RAB30: variants seen among roughly 807,000 people sequenced by gnomAD.
The protein encoded by RAB30 is RAB30, member RAS oncogene family, also known as ras-related protein Rab-30.
RAB30 carries 9 observed loss-of-function variants against 25.1 expected under a neutral mutation model. The observed-to-expected ratio is 0.36, with a 90% confidence interval of 0.22 to 0.63. The LOEUF is 0.63. Ranked by LOEUF, RAB30 falls within the 20% of genes least tolerant of loss-of-function variation. The pLI, the probability that RAB30 is intolerant of heterozygous loss-of-function variation, is 0.69. For synonymous variants in RAB30, 77 were observed against 86.4 expected (o/e 0.89, Z 0.60); for missense variants, 140 against 243.5 (o/e 0.58, Z 2.83).
intron 1 of RAB30, among the ~76,000 whole-genome samples, chr11:83,001,277 G>C (rs1360619260): frequency 1.3e-5 from 2 of 152,156 alleles, no homozygotes; most frequent in Non-Finnish European, 2.9e-5. Flanking sequence ...CATGGATCAA[G>C]TGATCCTCCT....
At chr11:83,067,240 G>A (rs1466965063) in intron 1 of RAB30, among the ~76,000 whole-genome samples, 2 of 152,076 alleles carry the variant, frequency 1.3e-5, no homozygotes, top group Non-Finnish European at 2.9e-5. Context: ...TCCTAGCATG[G>A]TGCATGGAAA....
intron 1 of RAB30, among the ~76,000 whole-genome samples, chr11:83,023,865 A>C (rs1590859969): frequency 6.6e-6 from 1 of 151,482 alleles, no homozygotes. Flanking sequence ...CTCAGGCATC[A>C]CTCTCCTTCT....
At chr11:83,056,970 C>T (rs1455041561) in intron 1 of RAB30, among the ~76,000 whole-genome samples, 2 of 152,138 alleles carry the variant, frequency 1.3e-5, no homozygotes, top group Non-Finnish European at 2.9e-5. Context: ...TAAGACCAAA[C>T]AATCTGTGGC....
At chr11:83,038,059 A>T (rs1858024931) in intron 1 of RAB30, among the ~76,000 whole-genome samples, 1 of 152,208 alleles carries the variant, frequency 6.6e-6, no homozygotes, top group Non-Finnish European at 1.5e-5. Context: ...AAAGAAAAAA[A>T]CAGATGACTC....
chr11:83,013,492 A>G (rs922211631), intron 1 of RAB30, among the ~76,000 whole-genome samples: 5 of 152,202 alleles, frequency 3.3e-5, no homozygotes, highest in African/African-American at 1.2e-4. Context: ...CTGACATTTC[A>G]GTAGACTAAA....
chr11:83,044,539 A>G (rs1858196517), intron 1 of RAB30, among the ~76,000 whole-genome samples: 2 of 152,288 alleles, frequency 1.3e-5, no homozygotes, highest in South Asian at 2.1e-4. Flanking sequence ...AAATATCACT[A>G]CAAGTCTGTT....
At chr11:82,992,356 T>C (rs1444714587) in intron 3 of RAB30, 1 of 456,266 alleles carries the variant, frequency 2.2e-6, no homozygotes, top group Non-Finnish European at 4.4e-6. Flanking sequence ...CATTCACTGC[T>C]GTATTTGGTG....
At chr11:82,998,725 G>A (rs376788300) in intron 1 of RAB30, among the ~76,000 whole-genome samples, 2 of 150,270 alleles carry the variant, frequency 1.3e-5, no homozygotes, top group Non-Finnish European at 1.5e-5. Flanking sequence ...AAAAAAAAAA[G>A]CTAAATAACA....
intron 1 of RAB30, among the ~76,000 whole-genome samples, chr11:83,057,764 T>C (rs887050083): frequency 6.6e-6 from 1 of 152,228 alleles, no homozygotes; most frequent in Non-Finnish European, 1.5e-5. Context: ...TGTGTACTTT[T>C]AGAAACTTTG....
chr11:82,988,613 A>C (rs1856786722), intron 3 of RAB30, among the ~76,000 whole-genome samples: 2 of 152,336 alleles, frequency 1.3e-5, no homozygotes, highest in Admixed American at 6.5e-5. Flanking sequence ...ACCAGTTCTA[A>C]GTCCTAATAA....
At chr11:83,059,576 T>C (rs1162865067) in intron 1 of RAB30, among the ~76,000 whole-genome samples, 2 of 152,216 alleles carry the variant, frequency 1.3e-5, no homozygotes, top group Non-Finnish European at 2.9e-5. Context: ...GGATGCAGTG[T>C]GGAGTAGCAG....
intron 1 of RAB30, among the ~76,000 whole-genome samples, chr11:83,054,685 AC>A (rs1858421402): frequency 6.7e-6 from 1 of 149,912 alleles, no homozygotes. Context: ...ATAGAATGAG[AC>A]CCTGTGTCTA....
Position 83,064,736 on chromosome 11 carries a change from C to T in RAB30, c.-9+6955G>A, listed in dbSNP as rs185348631. On this transcript the variant is annotated intron_variant, in intron 1 of 4. Coordinates refer to ENST00000527633, the MANE Select transcript of RAB30 (RefSeq NM_001286060.2). ...TGACATTCCTGAAGACATTCAGGAA[C>T]GCCAGCTGATCATATACCAATATCT... 3.4e-4 allele frequency among the ~76,000 whole-genome samples: 52 copies of T among 152,248 alleles called. No homozygotes were observed. The East Asian group carries it at 5.2e-3, about 15-fold the overall frequency.
intron 1 of RAB30, among the ~76,000 whole-genome samples, chr11:83,003,047 G>A (rs1440403428): frequency 2.0e-5 from 3 of 152,158 alleles, no homozygotes; most frequent in African/African-American, 7.2e-5. Flanking sequence ...GGGTAAACAG[G>A]CAACAAGGCC....
At chr11:82,989,314 AT>A (rs1856802318) in intron 3 of RAB30, among the ~76,000 whole-genome samples, 1 of 152,194 alleles carries the variant, frequency 6.6e-6, no homozygotes, top group South Asian at 2.1e-4. Context: ...GGATGAATCC[AT>A]TGCTGTCACC....
chr11:83,035,014 C>A (rs1857957519), intron 1 of RAB30, among the ~76,000 whole-genome samples: 1 of 151,792 alleles, frequency 6.6e-6, no homozygotes, highest in African/African-American at 2.4e-5. Context: ...TGACCACTGG[C>A]TATGTGCCAG....
intron 1 of RAB30, chr11:83,039,240 T>C (rs184042430): frequency 2.0e-5 from 3 of 152,326 alleles, no homozygotes; most frequent in Admixed American, 1.3e-4. Flanking sequence ...TTTCTTGAGT[T>C]CCTGCTAGGC....
At chr11:83,022,618 A>G (rs1857607062) in intron 1 of RAB30, among the ~76,000 whole-genome samples, 1 of 152,186 alleles carries the variant, frequency 6.6e-6, no homozygotes. Context: ...TTAAATAAGT[A>G]TCCTTTATTT....
At chr11:82,988,434 G>T (rs1364464702) in intron 3 of RAB30, among the ~76,000 whole-genome samples, 1 of 152,166 alleles carries the variant, frequency 6.6e-6, no homozygotes, top group Non-Finnish European at 1.5e-5. Flanking sequence ...CTTTGTTAAA[G>T]AAAACAGGAA....
Sources: allele counts gnomAD v4.1 joint callset (sites outside exome capture counted in the v4.1 genomes callset), GRCh38; gene constraint gnomAD v4.1.1; transcripts MANE v1.5; gene names NCBI Gene and HGNC (gene_info 2026-07-23, HGNC 2026-07-21).